AEBP2: variants seen among roughly 807,000 people sequenced by gnomAD.
AEBP2 encodes the protein AE binding protein 2, also known as zinc finger protein AEBP2.
A neutral mutation model predicts 50.8 loss-of-function variants in AEBP2; 10 were observed. The ratio of observed to expected loss-of-function variants is 0.20; its 90% CI spans 0.12 to 0.33. The LOEUF is 0.33. Among genes scored for constraint, AEBP2 ranks in the 10% least tolerant of loss-of-function variants. AEBP2 has a pLI of 1.00. For missense variants in AEBP2, 570 were observed against 688.0 expected, an observed-to-expected ratio of 0.83 and a Z score of 1.92; for synonymous variants, 296 against 261.3, an observed-to-expected ratio of 1.13 and a Z score of -1.28.
intron 1 of AEBP2, among the ~76,000 whole-genome samples, chr12:19,455,533 C>G (rs1592730255): frequency 6.6e-6 from 1 of 152,124 alleles, no homozygotes; most frequent in East Asian, 1.9e-4. Flanking sequence ...ATCTTTATAA[C>G]TTTCTCAGTA....
chr12:19,413,189 A>G, intron 1 of AEBP2: 1 of 766,078 alleles, frequency 1.3e-6, no homozygotes, highest in Admixed American at 1.7e-5. Context: ...AGCAAAGCAC[A>G]GGGAAGCAGA....
chr12:19,427,153 G>C (rs1199841565), intron 1 of AEBP2, among the ~76,000 whole-genome samples: 1 of 151,868 alleles, frequency 6.6e-6, no homozygotes, highest in East Asian at 1.9e-4. Context: ...GAGGTGGGTG[G>C]ATCACATGAG....
chr12:19,435,827 A>G (rs928981696), upstream of AEBP2, among the ~76,000 whole-genome samples: 6 of 152,192 alleles, frequency 3.9e-5, no homozygotes, highest in Non-Finnish European at 8.8e-5. Flanking sequence ...AACATGAACC[A>G]TAATCTCCAG....
At chr12:19,442,674 C>T (rs2652016) in intron 1 of AEBP2, among the ~76,000 whole-genome samples, 40,350 of 152,100 alleles carry the variant, frequency 0.27, 6,498 homozygotes, top group African/African-American at 0.46. Context: ...ATTTTAGAGA[C>T]TACAGAATAC....
chr12:19,443,632 A>G lies in AEBP2; in HGVS notation c.671+3262A>G, dbSNP rs1042947115. ...CAGCTACTCAGGAGGCTGGGGCAGG[A>G]GAATGGCTTGAATCTGGGAGGCGGA... On this transcript the variant is annotated intron_variant, in intron 1 of 7. Transcript: ENST00000266508. 2.6e-5 allele frequency among the ~76,000 whole-genome samples: 4 copies of G among 152,056 alleles called. No individual in the cohort carries two copies. In the South Asian group the frequency reaches 8.3e-4, roughly 32 times the overall value.
intron 1 of AEBP2, chr12:19,413,265 C>T (rs556485670): frequency 1.4e-5 from 17 of 1,198,254 alleles, no homozygotes; most frequent in Admixed American, 3.4e-5. Flanking sequence ...AGTAACTTAG[C>T]ACTTGTAAAG....
At chr12:19,508,481 A>G (rs1312531889) in intron 5 of AEBP2, among the ~76,000 whole-genome samples, 2 of 152,200 alleles carry the variant, frequency 1.3e-5, no homozygotes, top group African/African-American at 4.8e-5. Context: ...TTGGAACTTG[A>G]TTAAAAAAAT....
intron 4 of AEBP2, among the ~76,000 whole-genome samples, chr12:19,494,850 A>G (rs747859271): frequency 1.1e-4 from 17 of 152,172 alleles, no homozygotes; most frequent in Non-Finnish European, 2.2e-4. Flanking sequence ...TTGCAACCTC[A>G]GAGTGTAGCT....
chr12:19,477,803 C>T (rs148993611), intron 3 of AEBP2, among the ~76,000 whole-genome samples: 3,274 of 152,202 alleles, frequency 0.022, 42 homozygotes, highest in East Asian at 0.043. Flanking sequence ...CATAGAATGA[C>T]TTAGGGAGGA....
intron 7 of AEBP2, among the ~76,000 whole-genome samples, chr12:19,516,379 G>A (rs1212290943): frequency 2.0e-5 from 3 of 152,104 alleles, no homozygotes; most frequent in African/African-American, 4.8e-5. Flanking sequence ...AGAACTAGTC[G>A]TAAACCTCTC....
chr12:19,501,512 C>T (rs1395604507), intron 5 of AEBP2, among the ~76,000 whole-genome samples: 1 of 151,892 alleles, frequency 6.6e-6, no homozygotes, highest in Non-Finnish European at 1.5e-5. Flanking sequence ...TGGTGTGCAC[C>T]TGTAGTCCCA....
intron 1 of AEBP2, among the ~76,000 whole-genome samples, chr12:19,423,039 TG>T (rs1472537275): frequency 4.6e-5 from 5 of 108,924 alleles, no homozygotes; most frequent in Non-Finnish European, 6.7e-5. Flanking sequence ...CACTCCAGGC[TG>T]GGTGACAGAG....
At chr12:19,409,883 T>G (rs1328104609) in intron 1 of AEBP2, among the ~76,000 whole-genome samples, 1 of 152,230 alleles carries the variant, frequency 6.6e-6, no homozygotes, top group African/African-American at 2.4e-5. Context: ...AACTTTCTTC[T>G]GAGCAATAAT....
rs1949198283 is a variant in AEBP2, at chr12:19,509,252, T to TA, written c.1300-3146_1300-3145insA. ...GGCACAAGCACAGAGTCAGCTAAAT[T>TA]GAAAAATGCAACTTTTTTAAGTAAT... On this transcript the variant is annotated intron_variant, in intron 5 of 7. Transcript: ENST00000266508. 9.3e-6 allele frequency: 3 copies of TA among 323,232 alleles called. No homozygotes were observed. In the South Asian group the frequency reaches 1.7e-4, roughly 18 times the overall value. The allele number at this position is 323,232 out of a possible 1,614,324, so 20.0% of individuals were successfully genotyped here. A position where few individuals can be genotyped will look rare whatever the true frequency, so the allele number is the denominator to read the frequency against.
In AEBP2 at chr12:19,459,895, G is replaced by A. The variant is rs535716463; in HGVS notation, c.672-2615G>A. On this transcript the variant is annotated intron_variant, in intron 1 of 7. Coordinates refer to ENST00000266508, the MANE Select transcript of AEBP2 (RefSeq NM_153207.5). ...TTAAAAATGGATACGTTTCTAGCAT[G>A]GGCAGCAAAACAAGACTCTGCCGCT... Among the ~76,000 whole-genome samples the A allele has an allele frequency of 3.9e-5, 6 of 152,226 alleles. No individual in the cohort carries two copies. In the South Asian group the frequency reaches 1.0e-3, roughly 26 times the overall value.
At chr12:19,421,302 C>T (rs1158718712) in intron 1 of AEBP2, among the ~76,000 whole-genome samples, 1 of 134,324 alleles carries the variant, frequency 7.4e-6, no homozygotes, top group East Asian at 2.2e-4. Flanking sequence ...TAAGATTGCA[C>T]TACTGTACTC....
At chr12:19,466,290 T>C (rs1461545568) in intron 2 of AEBP2, among the ~76,000 whole-genome samples, 1 of 151,958 alleles carries the variant, frequency 6.6e-6, no homozygotes, top group Non-Finnish European at 1.5e-5. Context: ...CGTGACAAAA[T>C]CCTGTCTCTA....
intron 1 of AEBP2, among the ~76,000 whole-genome samples, chr12:19,447,883 T>C (rs1321301167): frequency 1.3e-5 from 2 of 152,176 alleles, no homozygotes; most frequent in African/African-American, 2.4e-5. Flanking sequence ...AATTTGGAGC[T>C]CGAATGCGAG....
At chr12:19,479,717 G>GTTTTTTTTTTTTTT (rs369410408) in intron 3 of AEBP2, among the ~76,000 whole-genome samples, 6 of 22,348 alleles carry the variant, frequency 2.7e-4, no homozygotes, top group Non-Finnish European at 5.4e-4. Flanking sequence ...CTCTTTGTGG[G>GTTTTTTTTTTTTTT]TTTTTTTTTT....
Sources: allele counts gnomAD v4.1 joint callset (sites outside exome capture counted in the v4.1 genomes callset), GRCh38; gene constraint gnomAD v4.1.1; transcripts MANE v1.5; gene names NCBI Gene and HGNC (gene_info 2026-07-23, HGNC 2026-07-21).